The following LRRC37A2 variants were observed in gnomAD, a reference collection of about 807,000 sequenced individuals.
LRRC37A2 encodes the protein leucine rich repeat containing 37 member A2, also known as leucine-rich repeat-containing protein 37A2.
In LRRC37A2, 9 loss-of-function variants were observed where a neutral mutation model predicts 68.8. That is an observed-to-expected ratio of 0.13 (90% CI 0.08 to 0.23). LRRC37A2 has a LOEUF of 0.23. LRRC37A2 is among the 10% of genes least tolerant of loss of function. The probability of loss-of-function intolerance (pLI) is 1.00; values close to 1 mark genes in which losing one functional copy is unlikely to be tolerated. For synonymous variants in LRRC37A2, 63 were observed against 367.6 expected, an observed-to-expected ratio of 0.17 and a Z score of 9.48; for missense variants, 168 against 950.4, an observed-to-expected ratio of 0.18 and a Z score of 10.82.
At chr17:46,904,935 C>A in the LRRC37A2 span, among the ~76,000 whole-genome samples, 1 of 152,190 alleles carries the variant, frequency 6.6e-6, no homozygotes, top group Non-Finnish European at 1.5e-5. Context: ...TGCCTCCCAA[C>A]ACACAAAGCA....
chr17:46,542,536 T>C (rs1422224897), intron 8 of LRRC37A2, among the ~76,000 whole-genome samples: 2 of 147,660 alleles, frequency 1.4e-5, no homozygotes, highest in African/African-American at 2.6e-5. Flanking sequence ...GATATAGATA[T>C]ATATATAAAT....
At chr17:46,877,571 C>T in the LRRC37A2 span, among the ~76,000 whole-genome samples, 2,668 of 152,230 alleles carry the variant, frequency 0.018, 32 homozygotes, top group Non-Finnish European at 0.026. Flanking sequence ...CCCTGCTGGC[C>T]AAAGGAATCT....
chr17:46,885,699 A>T, the LRRC37A2 span: 1 of 152,172 alleles, frequency 6.6e-6, no homozygotes, highest in Non-Finnish European at 1.5e-5. Context: ...GAATTTATAA[A>T]TCTTGTTCTC....
chr17:46,679,478 T>C, the LRRC37A2 span, among the ~76,000 whole-genome samples: 1 of 130,288 alleles, frequency 7.7e-6, no homozygotes, highest in Non-Finnish European at 1.6e-5. Context: ...GGGAAGATGG[T>C]AGGGAGTTTG....
the LRRC37A2 span, among the ~76,000 whole-genome samples, chr17:46,798,614 T>A: frequency 6.6e-6 from 1 of 152,134 alleles, no homozygotes; most frequent in Non-Finnish European, 1.5e-5. Context: ...CAGCCCTGGA[T>A]CAGCCTGCAT....
chr17:46,394,718 T>G, the LRRC37A2 span, among the ~76,000 whole-genome samples: 1 of 50,162 alleles, frequency 2.0e-5, no homozygotes, highest in African/African-American at 6.0e-5. Context: ...ATGATGCAGC[T>G]ACTGCACAAA....
At chr17:46,830,999 A>G in the LRRC37A2 span, 1 of 379,786 alleles carries the variant, frequency 2.6e-6, no homozygotes, top group Non-Finnish European at 4.6e-6. Flanking sequence ...ATTGTTGAAA[A>G]TGAGTAAATC....
intron 8 of LRRC37A2, among the ~76,000 whole-genome samples, chr17:46,541,337 C>CT (rs1423020572): frequency 1.7e-4 from 26 of 149,764 alleles, no homozygotes; most frequent in Non-Finnish European, 3.2e-4. Context: ...CTGCAACCTC[C>CT]ACCTCCCAGG....
the LRRC37A2 span, among the ~76,000 whole-genome samples, chr17:46,905,974 C>T: frequency 4.6e-5 from 7 of 152,276 alleles, no homozygotes; most frequent in African/African-American, 1.4e-4. Context: ...CTGGGAGGAA[C>T]GGGCAGGGCC....
At chr17:46,780,217 G>A in the LRRC37A2 span, among the ~76,000 whole-genome samples, 2 of 152,140 alleles carry the variant, frequency 1.3e-5, no homozygotes, top group African/African-American at 4.8e-5. Flanking sequence ...AGATGCTGCC[G>A]TCCACCCAGT....
the LRRC37A2 span, among the ~76,000 whole-genome samples, chr17:47,009,492 G>C: frequency 2.0e-5 from 3 of 152,176 alleles, no homozygotes; most frequent in Non-Finnish European, 2.9e-5. Context: ...GTCCCCCTTT[G>C]AATGCTGCAG....
the LRRC37A2 span, among the ~76,000 whole-genome samples, chr17:46,472,923 A>AT: frequency 1.5e-3 from 95 of 64,140 alleles, 5 homozygotes; most frequent in Middle Eastern, 0.013. Flanking sequence ...TCAAAAAAAA[A>AT]ATATATATAT....
At chr17:46,931,026 T>A in the LRRC37A2 span, 1 of 854,950 alleles carries the variant, frequency 1.2e-6, no homozygotes, top group South Asian at 1.4e-5. Context: ...GAAAAAAAAA[T>A]CTGTGATTTA....
the LRRC37A2 span, chr17:46,726,516 A>G: frequency 2.5e-6 from 4 of 1,595,224 alleles, no homozygotes; most frequent in Non-Finnish European, 3.4e-6. Flanking sequence ...TGTGGAGGAC[A>G]GTGAGATAAT....
chr17:46,966,530 G>T, the LRRC37A2 span: 241 of 688,958 alleles, frequency 3.5e-4, 1 homozygote, highest in Non-Finnish European at 3.1e-4. Context: ...TGTATTTTTT[G>T]CAGAGACAAG....
At chr17:46,940,206 A>T in the LRRC37A2 span, 193 of 1,400,280 alleles carry the variant, frequency 1.4e-4, 1 homozygote, top group Admixed American at 9.8e-4. Flanking sequence ...AAGTTTTCTT[A>T]ATTGTCATAG....
chr17:46,710,944 G>A, the LRRC37A2 span: 401,263 of 1,567,776 alleles, frequency 0.26, 58,456 homozygotes, highest in East Asian at 0.66. Context: ...AAATGCTTTA[G>A]ACTCCTTTTT....
chr17:46,388,430 C>T, the LRRC37A2 span, among the ~76,000 whole-genome samples: 9 of 60,914 alleles, frequency 1.5e-4, no homozygotes, highest in African/African-American at 4.0e-4. Flanking sequence ...GGTGTGGTGG[C>T]GCATGCCTGT....
chr17:46,694,315 A>T, the LRRC37A2 span, among the ~76,000 whole-genome samples: 2 of 139,622 alleles, frequency 1.4e-5, 1 homozygote, highest in African/African-American at 5.9e-5. Context: ...TGAATCCAGG[A>T]GGCAGAGGTT....
Sources: gnomAD v4.1 joint callset for allele counts (sites outside exome capture counted in the v4.1 genomes callset) on GRCh38, gnomAD v4.1.1 for gene constraint, MANE v1.5 for transcripts, NCBI Gene and HGNC (gene_info 2026-07-23, HGNC 2026-07-21) for gene names.